TLN2: variants seen among roughly 807,000 people sequenced by gnomAD.
TLN2 encodes talin-2.
A neutral mutation model predicts 294.7 loss-of-function variants in TLN2; 118 were observed. That is an observed-to-expected ratio of 0.40 (90% CI 0.34 to 0.47). The LOEUF (loss-of-function observed/expected upper bound fraction) is 0.47, where lower values mean the gene tolerates loss of function less well. TLN2 is among the 20% of genes least tolerant of loss of function. The pLI is 0.84. For missense variants in TLN2, 3,083 were observed against 3,282.2 expected, an observed-to-expected ratio of 0.94 and a Z score of 1.48; for synonymous variants, 1,431 against 1,304.5, an observed-to-expected ratio of 1.10 and a Z score of -2.09.
At chr15:62,607,137 A>G (rs2047519619) in intron 2 of TLN2, among the ~76,000 whole-genome samples, 1 of 151,968 alleles carries the variant, frequency 6.6e-6, no homozygotes, top group Non-Finnish European at 1.5e-5. Context: ...TTCCTTTTTG[A>G]GCTTGTGGGG....
chr15:62,746,684 G>C (rs533066230), intron 32 of TLN2, among the ~76,000 whole-genome samples: 44 of 152,300 alleles, frequency 2.9e-4, no homozygotes, highest in Non-Finnish European at 5.6e-4. Context: ...ATTAGTGTTG[G>C]TGATTAACAG....
At chr15:62,620,837 C>T (rs1225757687) in intron 3 of TLN2, among the ~76,000 whole-genome samples, 2 of 66,418 alleles carry the variant, frequency 3.0e-5, no homozygotes, top group Admixed American at 4.2e-4. Flanking sequence ...CTTTCTTTTT[C>T]TTTTTTTTTT....
At position 62,800,509 on chromosome 15, in the gene TLN2, G is replaced by C; in HGVS notation, c.6360+16G>C. On this transcript the variant is annotated intron_variant, in intron 49 of 58. Transcript: ENST00000636159. Reference sequence around the variant, plus strand: ...GGCTGCCAAGGTAGAGTGGGGCTCCGACTGGGGATGAGCACCTGAGTTCTC... The same window carrying C: ...GGCTGCCAAGGTAGAGTGGGGCTCCCACTGGGGATGAGCACCTGAGTTCTC... 1 of 1,613,314 alleles carries C rather than the reference G, an allele frequency of 6.2e-7. No individual in the cohort carries two copies. Among genetic ancestry groups the C allele is most frequent in the Non-Finnish European group, 8.5e-7 (1 of 1,179,712 alleles).
At chr15:62,564,334 G>T (rs1194752647) in intron 1 of TLN2, among the ~76,000 whole-genome samples, 1 of 152,138 alleles carries the variant, frequency 6.6e-6, no homozygotes, top group Non-Finnish European at 1.5e-5. Context: ...GTGTGCCCGT[G>T]GGGTGGAGGT....
rs183900451 is a variant in TLN2 at position 62,841,573 on chromosome 15, C to A, written c.*963C>A. ...ATCTGCTTACAAACCTGTCCCCTGTCCTCCAACCCAAAACGCCTTTTTTTC... is the reference window on the plus strand; with the variant it reads ...ATCTGCTTACAAACCTGTCCCCTGTACTCCAACCCAAAACGCCTTTTTTTC... On this transcript the variant is annotated 3_prime_UTR_variant, in exon 59 of 59. Coordinates refer to ENST00000636159, the MANE Select transcript of TLN2 (RefSeq NM_015059.3). 1 of 152,148 alleles carries A rather than the reference C, an allele frequency of 6.6e-6. No individual in the cohort carries two copies. The highest frequency in any genetic ancestry group is 1.5e-5 in the Non-Finnish European group (1 of 68,028). The allele number at this position is 152,148 out of a possible 1,614,324, so 9.4% of individuals were successfully genotyped here. A position where few individuals can be genotyped will look rare whatever the true frequency, so the allele number is the denominator to read the frequency against.
chr15:62,774,952 G>A (rs552351463), intron 42 of TLN2, among the ~76,000 whole-genome samples: 101 of 132,254 alleles, frequency 7.6e-4, no homozygotes, highest in African/African-American at 2.4e-3. Context: ...AGAATTGCTG[G>A]CTTTTTTTTT....
chr15:62,637,910 T>C (rs888857555), intron 3 of TLN2: 2 of 152,188 alleles, frequency 1.3e-5, no homozygotes, highest in Admixed American at 6.5e-5. Flanking sequence ...GCTGAAATAA[T>C]TGAAGCAGTT....
intron 32 of TLN2, among the ~76,000 whole-genome samples, chr15:62,744,779 C>A (rs1018519710): frequency 5.3e-5 from 8 of 152,122 alleles, no homozygotes; most frequent in Non-Finnish European, 1.0e-4. Context: ...AACTCCTGAC[C>A]TAGTGATCCA....
intron 32 of TLN2, among the ~76,000 whole-genome samples, chr15:62,747,271 T>C (rs1166493113): frequency 1.3e-5 from 2 of 152,212 alleles, no homozygotes; most frequent in African/African-American, 4.8e-5. Flanking sequence ...AATTTTCTTA[T>C]CACACTCCAC....
intron 1 of TLN2, among the ~76,000 whole-genome samples, chr15:62,563,930 C>G (rs989233332): frequency 2.0e-5 from 3 of 152,164 alleles, no homozygotes; most frequent in African/African-American, 4.8e-5. Context: ...GGGTGGGGTT[C>G]TCAGGAAGGG....
intron 52 of TLN2, among the ~76,000 whole-genome samples, chr15:62,819,195 A>G (rs773682042): frequency 1.3e-5 from 2 of 152,152 alleles, no homozygotes; most frequent in Non-Finnish European, 2.9e-5. Flanking sequence ...TTTCAGGTGC[A>G]TGTGTGTGTT....
intron 1 of TLN2, among the ~76,000 whole-genome samples, chr15:62,458,381 G>A (rs1566989408): frequency 6.6e-6 from 1 of 152,114 alleles, no homozygotes; most frequent in African/African-American, 2.4e-5. Flanking sequence ...TTGGCTCCTT[G>A]TGCCTTTCCA....
chr15:62,463,830 T>C (rs560538962), intron 1 of TLN2, among the ~76,000 whole-genome samples: 2 of 152,282 alleles, frequency 1.3e-5, no homozygotes, highest in African/African-American at 4.8e-5. Flanking sequence ...GAGCATGCAG[T>C]GAGCTGAGAT....
chr15:62,433,889 T>C lies in TLN2; in HGVS notation c.-238+43204T>C, dbSNP rs183651573. On this transcript the variant is annotated intron_variant, in intron 1 of 58. Coordinates refer to ENST00000636159, the MANE Select transcript of TLN2 (RefSeq NM_015059.3). ...CTGTAATCCCAGCTACTCAGGAGGC[T>C]GAGGCAGGAGAATCACTTGAACCCA... Among the ~76,000 whole-genome samples, 509 of 152,128 alleles carry C rather than the reference T, an allele frequency of 3.3e-3. 1 individual carries two copies. Among genetic ancestry groups the C allele is most frequent in the Admixed American group, 5.1e-3 (78 of 15,278 alleles).
chr15:62,478,404 T>C (rs1271587578), intron 1 of TLN2, among the ~76,000 whole-genome samples: 1 of 151,572 alleles, frequency 6.6e-6, no homozygotes, highest in Non-Finnish European at 1.5e-5. Context: ...GACCCTCCCC[T>C]GTATGGCAAC....
At chr15:62,839,402 G>C (rs1299347962) in intron 58 of TLN2, among the ~76,000 whole-genome samples, 1 of 152,196 alleles carries the variant, frequency 6.6e-6, no homozygotes, top group Non-Finnish European at 1.5e-5. Flanking sequence ...TTCTATTGTA[G>C]AAAGGAAGAA....
chr15:62,670,414 CTT>C (rs1052681670), intron 9 of TLN2, among the ~76,000 whole-genome samples: 2 of 152,188 alleles, frequency 1.3e-5, no homozygotes, highest in African/African-American at 4.8e-5. Flanking sequence ...TCAGCTTCCT[CTT>C]TTGTGATGTT....
chr15:62,429,793 T>C (rs2034918316), intron 1 of TLN2, among the ~76,000 whole-genome samples: 1 of 152,202 alleles, frequency 6.6e-6, no homozygotes, highest in Non-Finnish European at 1.5e-5. Context: ...AACTTAATGC[T>C]GAAGTGTTTG....
chr15:62,805,259 G>A (rs1022123486), intron 50 of TLN2, among the ~76,000 whole-genome samples: 11 of 152,078 alleles, frequency 7.2e-5, no homozygotes, highest in African/African-American at 9.7e-5. Context: ...GCAGGGATGG[G>A]GGAAGAGAAC....
Sources: allele counts gnomAD v4.1 joint callset (sites outside exome capture counted in the v4.1 genomes callset), GRCh38; gene constraint gnomAD v4.1.1; transcripts MANE v1.5; gene names NCBI Gene and HGNC (gene_info 2026-07-23, HGNC 2026-07-21).